Variants in PLCE1 observed in about 807,000 individuals in gnomAD.
PLCE1 encodes 1-phosphatidylinositol 4,5-bisphosphate phosphodiesterase epsilon-1.
In PLCE1, 119 loss-of-function variants were observed where a neutral mutation model predicts 242.8. That is an observed-to-expected ratio of 0.49 (90% CI 0.42 to 0.57). The LOEUF is 0.57. PLCE1 is among the 20% of genes least tolerant of loss of function. The pLI is 0.00. For synonymous variants in PLCE1, 945 were observed against 1,017.4 expected, an observed-to-expected ratio of 0.93 and a Z score of 1.35; for missense variants, 2,441 against 2,788.8, an observed-to-expected ratio of 0.88 and a Z score of 2.81.
intron 2 of PLCE1, among the ~76,000 whole-genome samples, chr10:94,124,758 C>T (rs968133986): frequency 6.6e-6 from 1 of 152,174 alleles, no homozygotes; most frequent in Non-Finnish European, 1.5e-5. Context: ...TTCAAATGAT[C>T]AATTTCATGA....
chr10:94,089,312 C>G, intron 2 of PLCE1: 1 of 1,613,922 alleles, frequency 6.2e-7, no homozygotes, highest in African/African-American at 1.3e-5. Context: ...TTCCCGCTCT[C>G]TGAGGTACCC....
intron 5 of PLCE1, among the ~76,000 whole-genome samples, chr10:94,228,796 G>A (rs2050038716): frequency 6.6e-6 from 1 of 151,866 alleles, no homozygotes; most frequent in African/African-American, 2.4e-5. Flanking sequence ...CTCAAAAGAA[G>A]GAAAAAGTGG....
intron 4 of PLCE1, among the ~76,000 whole-genome samples, chr10:94,185,425 G>T (rs141090233): frequency 6.6e-6 from 1 of 152,292 alleles, no homozygotes; most frequent in East Asian, 1.9e-4. Flanking sequence ...GAACCCAGGA[G>T]GCAGAGGTTG....
Position 94,132,174 on chromosome 10 carries a change from A to C in PLCE1, c.1207A>C (p.Ile403Leu). 1 of 1,613,264 alleles carries C rather than the reference A, an allele frequency of 6.2e-7. No individual in the cohort carries two copies. Among genetic ancestry groups the C allele is most frequent in the South Asian group, 1.1e-5 (1 of 91,052 alleles). Reference sequence around the variant, plus strand: ...TTCCTGTACTTTGTGCTATTCACAGATCTACAATGCAGTGAGAAGAGAAGA... The same window carrying C: ...TTCCTGTACTTTGTGCTATTCACAGCTCTACAATGCAGTGAGAAGAGAAGA... The part of the protein sequence containing the change: ...QRLSEAQWYP[I>L]YNAVRREETE... Residue 403 changes from isoleucine (I) to leucine (L), a missense_variant and splice_region_variant, in exon 3 of 33, where the codon ATC becomes CTC. Coordinates refer to ENST00000371380, the MANE Select transcript of PLCE1 (RefSeq NM_016341.4).
chr10:94,265,881 T>C lies in PLCE1; in HGVS notation c.4204T>C (p.Tyr1402His). 1.2e-6 allele frequency: 2 copies of C among 1,614,098 alleles called. No individual in the cohort carries two copies. Among genetic ancestry groups the C allele is most frequent in the Non-Finnish European group, 1.7e-6 (2 of 1,179,962 alleles). Reference sequence around the variant, plus strand: ...ACTGCAGCTACCCCTCTCATACTATTACATCGAATCTTCGCACAATACCTA... The same window carrying C: ...ACTGCAGCTACCCCTCTCATACTATCACATCGAATCTTCGCACAATACCTA... ...KELQLPLSYYYIESSHNTYLT... is the reference protein window; with the variant it reads ...KELQLPLSYYHIESSHNTYLT... Residue 1402 changes from tyrosine to histidine, a missense_variant, in exon 16 of 33, where the codon TAC becomes CAC. Transcript: ENST00000371380.
At chr10:94,157,532 G>C (rs2047471642) in intron 3 of PLCE1, among the ~76,000 whole-genome samples, 1 of 152,164 alleles carries the variant, frequency 6.6e-6, no homozygotes, top group South Asian at 2.1e-4. Context: ...CAGCACCTGA[G>C]ATCCTAACCA....
rs1284531207 is a variant in PLCE1, at chr10:94,255,914, A to ACACACTCTCT, written c.3554+866_3554+867insACACTCTCTC. Among the ~76,000 whole-genome samples, 50 of 67,328 alleles carry ACACACTCTCT rather than the reference A, an allele frequency of 7.4e-4. 1 individual carries two copies. The highest frequency in any genetic ancestry group is 2.0e-3 in the African/African-American group (32 of 16,106). The allele number at this position is 67,328 out of a possible 152,430, so 44.2% of individuals were successfully genotyped here. A position where few individuals can be genotyped will look rare whatever the true frequency, so the allele number is the denominator to read the frequency against. Reference sequence around the variant, plus strand: ...CACACACACACACACACACACACACACTCTCTCTCTCTCTCTCTCTCTCTC... The same window carrying ACACACTCTCT: ...CACACACACACACACACACACACACACACACTCTCTCTCTCTCTCTCTCTCTCTCTCTCTC... On this transcript the variant is annotated intron_variant, in intron 11 of 32. Coordinates refer to ENST00000371380, the MANE Select transcript of PLCE1 (RefSeq NM_016341.4).
At chr10:94,290,268 GC>G (rs1042746974) in intron 22 of PLCE1, among the ~76,000 whole-genome samples, 3 of 150,966 alleles carry the variant, frequency 2.0e-5, no homozygotes, top group Non-Finnish European at 4.4e-5. Context: ...ATCTGCCTTG[GC>G]CTCCCAAAAT....
At chr10:94,269,498 G>A (rs1405633879) in intron 17 of PLCE1, among the ~76,000 whole-genome samples, 1 of 152,056 alleles carries the variant, frequency 6.6e-6, no homozygotes, top group Non-Finnish European at 1.5e-5. Flanking sequence ...AAAAGTGTTT[G>A]CTGTATCATG....
At chr10:94,227,020 G>A in intron 4 of PLCE1, 1 of 360,610 alleles carries the variant, frequency 2.8e-6, no homozygotes, top group Non-Finnish European at 5.4e-6. Flanking sequence ...GGAATTATAG[G>A]CGCCTGCCAC....
chr10:94,246,381 T>TA lies in PLCE1; in HGVS notation c.2857dup (p.Ile953AsnfsTer12). The TA allele has an allele frequency of 6.2e-7, 1 of 1,614,204 alleles. No homozygotes were observed. The highest frequency in any genetic ancestry group is 1.1e-5 in the South Asian group (1 of 91,088). On this transcript the variant is annotated frameshift_variant, in exon 8 of 33. Coordinates refer to ENST00000371380, the MANE Select transcript of PLCE1 (RefSeq NM_016341.4). LOFTEE classifies it high-confidence loss of function. ...TATACATGGGCCACCCTGGCATTGA[T>TA]ATACACACTGTGTGTGTTCAGAACA...
At chr10:94,254,786 C>A in intron 10 of PLCE1, 107 bp from the exon 11 acceptor site, 1 of 1,230,088 alleles carries the variant, frequency 8.1e-7, no homozygotes, top group Non-Finnish European at 1.2e-6. Flanking sequence ...AAACCAGCTG[C>A]ATAGGTTGAT....
chr10:94,295,347 T>C (rs915801338), intron 23 of PLCE1, among the ~76,000 whole-genome samples: 1 of 152,210 alleles, frequency 6.6e-6, no homozygotes, highest in African/African-American at 2.4e-5. Flanking sequence ...CAAGAGTAGA[T>C]TCCATCTCAA....
chr10:94,121,514 A>G (rs2046297703), intron 2 of PLCE1, among the ~76,000 whole-genome samples: 1 of 152,166 alleles, frequency 6.6e-6, no homozygotes, highest in Admixed American at 6.5e-5. Flanking sequence ...AGATTCAGGT[A>G]TTTATGCTAT....
At chr10:94,179,997 C>T (rs530093843) in intron 4 of PLCE1, among the ~76,000 whole-genome samples, 29 of 151,500 alleles carry the variant, frequency 1.9e-4, no homozygotes, top group African/African-American at 7.0e-4. Context: ...TAATAAATTC[C>T]GTTTTTTATT....
intron 2 of PLCE1, among the ~76,000 whole-genome samples, chr10:94,058,145 CAA>C (rs978014849): frequency 3.0e-4 from 46 of 152,234 alleles, no homozygotes; most frequent in African/African-American, 1.1e-3. Context: ...TTAACAATGT[CAA>C]AGAGACATTT....
chr10:94,054,461 A>C (rs1287517082), intron 2 of PLCE1, among the ~76,000 whole-genome samples: 1 of 152,126 alleles, frequency 6.6e-6, no homozygotes, highest in Non-Finnish European at 1.5e-5. Flanking sequence ...GCTGAAAGGG[A>C]AGGATTGGAG....
intron 2 of PLCE1, among the ~76,000 whole-genome samples, chr10:94,113,282 A>C (rs1488726524): frequency 6.6e-6 from 1 of 152,210 alleles, no homozygotes; most frequent in African/African-American, 2.4e-5. Context: ...AAAAAAAAAA[A>C]AAAAGCCAAG....
At chr10:94,324,770 C>G in intron 31 of PLCE1, 122 bp from the exon 32 acceptor site, 1 of 1,076,384 alleles carries the variant, frequency 9.3e-7, no homozygotes, top group Non-Finnish European at 1.4e-6. Flanking sequence ...GAGGGGAGCT[C>G]CTCAGCCCTA....
Sources: gnomAD v4.1 joint callset for allele counts (sites outside exome capture counted in the v4.1 genomes callset) on GRCh38, gnomAD v4.1.1 for gene constraint, MANE v1.5 for transcripts, NCBI Gene and HGNC (gene_info 2026-07-23, HGNC 2026-07-21) for gene names.